The following KCNH1 variants were observed in gnomAD, a reference collection of about 807,000 sequenced individuals.
The protein encoded by KCNH1 is voltage-gated delayed rectifier potassium channel KCNH1.
KCNH1 carries 27 observed loss-of-function variants against 69.2 expected under a neutral mutation model. The observed-to-expected ratio is 0.39, with a 90% CI of 0.29 to 0.54. KCNH1 has a LOEUF of 0.54. Among genes scored for constraint, KCNH1 ranks in the 20% least tolerant of loss-of-function variants. The pLI is 0.68. For missense variants in KCNH1, 798 were observed against 1,261.6 expected (o/e 0.63, Z 5.57); for synonymous variants, 456 against 487.7 (o/e 0.93, Z 0.86).
At chr1:210,847,232 A>G (rs1354413842) in intron 7 of KCNH1, among the ~76,000 whole-genome samples, 1 of 152,206 alleles carries the variant, frequency 6.6e-6, no homozygotes, top group African/African-American at 2.4e-5. Context: ...ATTACTGGGC[A>G]TATACCCAAA....
At chr1:210,770,701 C>T (rs1042732645) in intron 10 of KCNH1, among the ~76,000 whole-genome samples, 6 of 152,182 alleles carry the variant, frequency 3.9e-5, no homozygotes, top group South Asian at 2.1e-4. Flanking sequence ...GTGGTTTTAC[C>T]GTACATGTTT....
At chr1:210,971,620 C>T (rs969560482) in intron 6 of KCNH1, among the ~76,000 whole-genome samples, 1 of 152,132 alleles carries the variant, frequency 6.6e-6, no homozygotes, top group Non-Finnish European at 1.5e-5. Context: ...CCGTGCATCT[C>T]TTCCTAACAG....
chr1:210,774,591 T>C (rs1046490271), intron 10 of KCNH1, among the ~76,000 whole-genome samples: 2 of 152,198 alleles, frequency 1.3e-5, no homozygotes, highest in African/African-American at 4.8e-5. Flanking sequence ...AACCTTTCCA[T>C]ATGATTTCTC....
intron 6 of KCNH1, among the ~76,000 whole-genome samples, chr1:210,962,564 T>C (rs1688313986): frequency 6.6e-6 from 1 of 152,156 alleles, no homozygotes; most frequent in African/African-American, 2.4e-5. Context: ...CCATCAATCA[T>C]GCTGCTGCAG....
At chr1:210,734,004 C>T (rs1228563271) in intron 10 of KCNH1, among the ~76,000 whole-genome samples, 1 of 151,982 alleles carries the variant, frequency 6.6e-6, no homozygotes, top group African/African-American at 2.4e-5. Context: ...TCAGAAGTCA[C>T]ACTCAGCTCC....
intron 10 of KCNH1, among the ~76,000 whole-genome samples, chr1:210,717,871 C>T (rs1376379932): frequency 6.6e-6 from 1 of 152,046 alleles, no homozygotes; most frequent in South Asian, 2.1e-4. Flanking sequence ...TTTGGGAGGT[C>T]GAGGTGGGAA....
chr1:210,760,045 AG>A (rs1436733511), intron 10 of KCNH1, among the ~76,000 whole-genome samples: 1 of 152,184 alleles, frequency 6.6e-6, no homozygotes, highest in Non-Finnish European at 1.5e-5. Flanking sequence ...CGAGGAATCT[AG>A]GTTGCACACT....
intron 7 of KCNH1, among the ~76,000 whole-genome samples, chr1:210,895,233 T>C (rs1165423210): frequency 6.6e-6 from 1 of 152,074 alleles, no homozygotes; most frequent in Non-Finnish European, 1.5e-5. Flanking sequence ...AATCACAGTG[T>C]CTTTTAACAC....
At chr1:210,783,083 T>A (rs1370076959) in intron 9 of KCNH1, among the ~76,000 whole-genome samples, 1 of 152,186 alleles carries the variant, frequency 6.6e-6, no homozygotes, top group African/African-American at 2.4e-5. Flanking sequence ...GTAGCCACCA[T>A]AAAAGAAGAA....
At chr1:210,828,564 T>A (rs1426475690) in intron 7 of KCNH1, among the ~76,000 whole-genome samples, 1 of 152,106 alleles carries the variant, frequency 6.6e-6, no homozygotes, top group African/African-American at 2.4e-5. Flanking sequence ...CCTCTTTTGC[T>A]AAATCCTTAT....
chr1:210,842,015 A>C (rs1234478378), intron 7 of KCNH1, among the ~76,000 whole-genome samples: 1 of 152,140 alleles, frequency 6.6e-6, no homozygotes, highest in Non-Finnish European at 1.5e-5. Flanking sequence ...CCCCAAATGA[A>C]TACCCATTGA....
chr1:210,901,022 A>T (rs948843947), intron 7 of KCNH1, among the ~76,000 whole-genome samples: 1 of 152,158 alleles, frequency 6.6e-6, no homozygotes, highest in African/African-American at 2.4e-5. Context: ...CAGATGCTAC[A>T]TGCCAACGGC....
At chr1:210,698,934 C>T (rs17260704) in intron 10 of KCNH1, among the ~76,000 whole-genome samples, 2,575 of 152,334 alleles carry the variant, frequency 0.017, 35 homozygotes, top group Middle Eastern at 0.031. Context: ...GAGTAGAGAA[C>T]GGACTTCCTA....
intron 1 of KCNH1, among the ~76,000 whole-genome samples, chr1:211,118,310 A>C (rs1571661590): frequency 6.6e-6 from 1 of 152,204 alleles, no homozygotes; most frequent in Admixed American, 6.5e-5. Flanking sequence ...GAAGCATCAA[A>C]CCTGCCTCCA....
intron 5 of KCNH1, among the ~76,000 whole-genome samples, chr1:211,081,818 T>TGGGATGG (rs1690865570): frequency 6.6e-6 from 1 of 151,866 alleles, no homozygotes; most frequent in Non-Finnish European, 1.5e-5. Context: ...GGGCCTGTCA[T>TGGGATGG]GGGATGGGGG....
intron 5 of KCNH1, among the ~76,000 whole-genome samples, chr1:211,020,100 A>G (rs982082191): frequency 6.6e-6 from 1 of 152,132 alleles, no homozygotes; most frequent in Non-Finnish European, 1.5e-5. Context: ...GGAACGAGAA[A>G]AGCAAGAACA....
At chr1:211,083,954 TA>T (rs1690906926) in intron 4 of KCNH1, among the ~76,000 whole-genome samples, 1 of 152,208 alleles carries the variant, frequency 6.6e-6, no homozygotes, top group South Asian at 2.1e-4. Flanking sequence ...ATAAACTGGA[TA>T]AATTTTTGTC....
intron 6 of KCNH1, among the ~76,000 whole-genome samples, chr1:210,961,180 T>C (rs564454071): frequency 6.6e-6 from 1 of 152,282 alleles, no homozygotes; most frequent in South Asian, 2.1e-4. Context: ...TATTGGGTGT[T>C]TGTCTTATTG....
chr1:211,082,766 C>A lies in KCNH1; in HGVS notation c.558+14G>T. 1 of 1,602,006 alleles carries A rather than the reference C, an allele frequency of 6.2e-7. No individual in the cohort carries two copies. Among genetic ancestry groups the A allele is most frequent in the Non-Finnish European group, 8.5e-7 (1 of 1,169,914 alleles). The stretch of plus-strand genomic sequence containing the variant: ...AAAAGTGAGGCTCAAGATGAGCTAA[C>A]CCTTTGCCCTTACCTCTGCCAGGCG... On this transcript the variant is annotated intron_variant, in intron 5 of 10. Transcript: ENST00000271751.
Sources: allele counts gnomAD v4.1 joint callset (sites outside exome capture counted in the v4.1 genomes callset), GRCh38; gene constraint gnomAD v4.1.1; transcripts MANE v1.5; gene names NCBI Gene and HGNC (gene_info 2026-07-23, HGNC 2026-07-21).